The following MIAT variants were observed in gnomAD, a reference collection of about 807,000 sequenced individuals.
MIAT encodes the protein myocardial infarction associated transcript, also known as MI related novel mRNA.
exon 4 of MIAT, chr22:26,666,238 T>G (rs1486208198): frequency 2.5e-6 from 1 of 398,484 alleles, no homozygotes; most frequent in African/African-American, 2.1e-5. Context: ...TGGCAGATGG[T>G]CCTAGGTCAG....
exon 1 of MIAT, chr22:26,646,840 C>G (rs1211837713): frequency 1.5e-5 from 6 of 398,466 alleles, no homozygotes; most frequent in Non-Finnish European, 2.2e-5. Context: ...GAGTCGGCCT[C>G]TGTGTCTGCA....
chr22:26,648,931 C>CAGAGAGAGAG (rs60141294), intron 2 of MIAT, among the ~76,000 whole-genome samples: 51 of 149,188 alleles, frequency 3.4e-4, no homozygotes, highest in Non-Finnish European at 4.8e-4. Flanking sequence ...GAGAGCGAGA[C>CAGAGAGAGAG]AGAGAGAGAG....
chr22:26,657,441 C>A (rs1192281614), intron 2 of MIAT: 1 of 398,610 alleles, frequency 2.5e-6, no homozygotes, highest in Non-Finnish European at 4.4e-6. Flanking sequence ...GCGCCTCCGC[C>A]CGCCAGCCGC....
intron 2 of MIAT, among the ~76,000 whole-genome samples, chr22:26,652,010 T>C (rs533792816): frequency 3.1e-4 from 47 of 152,366 alleles, no homozygotes; most frequent in African/African-American, 1.1e-3. Flanking sequence ...CTTTCTCTTT[T>C]TGAGACAGAG....
At chr22:26,654,731 G>C (rs554582280) in intron 2 of MIAT, among the ~76,000 whole-genome samples, 1 of 151,762 alleles carries the variant, frequency 6.6e-6, no homozygotes, top group Admixed American at 6.6e-5. Context: ...AATTTTTTTT[G>C]AGACAGAGTC....
downstream of MIAT, chr22:26,673,581 G>A (rs778827524): frequency 2.5e-6 from 1 of 398,762 alleles, no homozygotes; most frequent in East Asian, 3.6e-5. Context: ...CTAACAACAG[G>A]TCTAACATTC....
chr22:26,651,408 T>A (rs931753330), intron 2 of MIAT, among the ~76,000 whole-genome samples: 5 of 152,076 alleles, frequency 3.3e-5, no homozygotes, highest in Non-Finnish European at 5.9e-5. Flanking sequence ...GGGCTACAGG[T>A]GTGGCCCGGC....
At chr22:26,653,824 C>A (rs917170569) in intron 2 of MIAT, among the ~76,000 whole-genome samples, 5 of 152,144 alleles carry the variant, frequency 3.3e-5, no homozygotes, top group Non-Finnish European at 7.4e-5. Context: ...ACTGCAACTT[C>A]CGCCTCCCAG....
chr22:26,651,057 G>A (rs954411623), intron 2 of MIAT, among the ~76,000 whole-genome samples: 3 of 151,958 alleles, frequency 2.0e-5, no homozygotes, highest in Non-Finnish European at 2.9e-5. Context: ...GCATCTGATG[G>A]TGATTACAGG....
chr22:26,661,778 G>C (rs982610396), intron 2 of MIAT, among the ~76,000 whole-genome samples: 3 of 151,768 alleles, frequency 2.0e-5, no homozygotes, highest in African/African-American at 7.3e-5. Context: ...GGCATAAACT[G>C]AACAGAGATG....
intron 2 of MIAT, chr22:26,650,084 A>G (rs1930311071): frequency 6.6e-6 from 1 of 152,234 alleles, no homozygotes; most frequent in Non-Finnish European, 1.5e-5. Context: ...CTTATGTTGA[A>G]TTCTTAACCC....
At chr22:26,667,333 A>AGTGTGTGT (rs61442362) in intron 5 of MIAT, 26,406 of 389,760 alleles carry the variant, frequency 0.068, 343 homozygotes, top group South Asian at 0.086. Flanking sequence ...TCCTGGGAGC[A>AGTGTGTGT]GTGTGTGTGT....
At chr22:26,659,785 C>CAAA (rs112543684) in intron 2 of MIAT, among the ~76,000 whole-genome samples, 19 of 138,764 alleles carry the variant, frequency 1.4e-4, no homozygotes, top group African/African-American at 4.5e-4. Context: ...TTAGAAAAGA[C>CAAA]AAAAAAAAAA....
At chr22:26,663,822 A>G (rs1930753951) in intron 3 of MIAT, among the ~76,000 whole-genome samples, 1 of 152,164 alleles carries the variant, frequency 6.6e-6, no homozygotes, top group Admixed American at 6.5e-5. Flanking sequence ...AACCATTGCC[A>G]CAATCAGGAT....
intron 2 of MIAT, among the ~76,000 whole-genome samples, chr22:26,660,303 C>T (rs1467314952): frequency 6.6e-6 from 1 of 151,270 alleles, no homozygotes; most frequent in Non-Finnish European, 1.5e-5. Context: ...GAAACCCTGT[C>T]TTACTAAAAA....
chr22:26,652,082 C>T (rs34730265), intron 2 of MIAT, among the ~76,000 whole-genome samples: 19,507 of 152,154 alleles, frequency 0.13, 1,282 homozygotes, highest in East Asian at 0.15. Flanking sequence ...CAGCCTCTAA[C>T]GCCTAGGCTC....
intron 5 of MIAT, chr22:26,667,410 G>A (rs1025192059): frequency 1.2e-4 from 44 of 369,904 alleles, no homozygotes; most frequent in Admixed American, 2.0e-4. Context: ...ATGTGTGTGC[G>A]CGTGTATGTG....
At chr22:26,666,542 T>G (rs184483210) in exon 4 of MIAT, 1 of 398,666 alleles carries the variant, frequency 2.5e-6, no homozygotes, top group Non-Finnish European at 4.4e-6. Context: ...ATCAGAATTC[T>G]GGATTCCTGA....
chr22:26,660,858 T>C (rs1196356844), intron 2 of MIAT: 2 of 152,280 alleles, frequency 1.3e-5, no homozygotes, highest in Admixed American at 6.5e-5. Flanking sequence ...TCCACTTCAG[T>C]CAGGGAGTAA....
Sources: allele counts gnomAD v4.1 joint callset (sites outside exome capture counted in the v4.1 genomes callset), GRCh38; gene constraint gnomAD v4.1.1; transcripts MANE v1.5; gene names NCBI Gene and HGNC (gene_info 2026-07-23, HGNC 2026-07-21).